The following CARMIL1 variants were observed in gnomAD, a reference collection of about 807,000 sequenced individuals.
The protein encoded by CARMIL1 is F-actin-uncapping protein LRRC16A.
Under a neutral mutation model 177.1 loss-of-function variants are expected in CARMIL1, and 90 were observed. The ratio of observed to expected loss-of-function variants is 0.51; its 90% confidence interval spans 0.43 to 0.61. The LOEUF is 0.61. Among genes scored for constraint, CARMIL1 ranks in the 20% least tolerant of loss-of-function variants. The pLI is 0.00. For synonymous variants in CARMIL1, 577 were observed against 606.2 expected (o/e 0.95, Z 0.71); for missense variants, 1,380 against 1,667.0 (o/e 0.83, Z 3.00).
chr6:25,564,364 T>C (rs984923261), intron 29 of CARMIL1, among the ~76,000 whole-genome samples: 3 of 152,184 alleles, frequency 2.0e-5, no homozygotes, highest in Admixed American at 2.0e-4. Context: ...GTTTGTTTCA[T>C]TGTTTTGAGC....
At chr6:25,331,753 T>C (rs1785646930) in intron 2 of CARMIL1, among the ~76,000 whole-genome samples, 1 of 152,204 alleles carries the variant, frequency 6.6e-6, no homozygotes, top group Non-Finnish European at 1.5e-5. Context: ...TTACTTTAAT[T>C]TTTGATGCTT....
chr6:25,439,058 AG>A (rs998271587), intron 5 of CARMIL1, among the ~76,000 whole-genome samples: 1 of 151,934 alleles, frequency 6.6e-6, no homozygotes, highest in African/African-American at 2.4e-5. Context: ...AGTGTGGGTA[AG>A]GGCAGTGAGG....
intron 8 of CARMIL1, among the ~76,000 whole-genome samples, chr6:25,455,797 G>T (rs144022313): frequency 3.3e-4 from 50 of 152,274 alleles, no homozygotes; most frequent in African/African-American, 1.1e-3. Flanking sequence ...TTTTAGTCAT[G>T]GGAGAGGCAC....
intron 24 of CARMIL1, among the ~76,000 whole-genome samples, chr6:25,529,733 C>A (rs1356722338): frequency 3.7e-4 from 12 of 32,844 alleles, no homozygotes; most frequent in Non-Finnish European, 5.5e-4. Flanking sequence ...CCGGCCTGGG[C>A]GACAGAGCGA....
intron 2 of CARMIL1, among the ~76,000 whole-genome samples, chr6:25,313,880 A>G (rs1227196845): frequency 6.6e-6 from 1 of 151,466 alleles, no homozygotes; most frequent in Non-Finnish European, 1.5e-5. Flanking sequence ...ATGTAGAAAC[A>G]TGGAGTCAGT....
At chr6:25,601,637 A>G (rs939775560) in intron 33 of CARMIL1, among the ~76,000 whole-genome samples, 1 of 152,242 alleles carries the variant, frequency 6.6e-6, no homozygotes. Flanking sequence ...CACTCAAGGT[A>G]TTCTATTAGA....
chr6:25,398,033 A>G (rs1160300046), intron 2 of CARMIL1, among the ~76,000 whole-genome samples: 2 of 152,194 alleles, frequency 1.3e-5, no homozygotes, highest in Non-Finnish European at 2.9e-5. Flanking sequence ...GGATTTAAGA[A>G]TATTAGAGGG....
In CARMIL1 at chr6:25,606,196, C is replaced by G. The variant is rs1197887616; in HGVS notation, c.3770C>G (p.Pro1257Arg). ...SSSSTPTSPKPLLQSPKPSLA... is the reference protein window; with the variant it reads ...SSSSTPTSPKRLLQSPKPSLA... ...TCCAGCACACCTACGAGCCCGAAGC[C>G]CCTCCTGCAGTCCCCCAAACCCAGT... is the stretch of plus-strand genomic sequence containing the variant. Residue 1257 changes from proline (P) to arginine (R), a missense_variant, in exon 35 of 37, where the codon CCC becomes CGC. By Grantham distance (103) the Pro-to-Arg change is moderately radical. Transcript: ENST00000329474. 1 of 1,613,842 alleles carries G rather than the reference C, an allele frequency of 6.2e-7. No homozygotes were observed. The highest frequency in any genetic ancestry group is 1.3e-5 in the African/African-American group (1 of 74,906).
At chr6:25,366,151 C>G (rs1050920593) in intron 2 of CARMIL1, among the ~76,000 whole-genome samples, 1 of 150,508 alleles carries the variant, frequency 6.6e-6, no homozygotes, top group Non-Finnish European at 1.5e-5. Flanking sequence ...TACTACCATG[C>G]CTGGCTAATT....
At chr6:25,434,796 T>G (rs1183436879) in intron 4 of CARMIL1, among the ~76,000 whole-genome samples, 1 of 152,154 alleles carries the variant, frequency 6.6e-6, no homozygotes, top group African/African-American at 2.4e-5. Context: ...GTGATCCGCC[T>G]GCCTTGGCCT....
At chr6:25,421,493 A>T (rs896244984) in intron 3 of CARMIL1, among the ~76,000 whole-genome samples, 7 of 152,192 alleles carry the variant, frequency 4.6e-5, no homozygotes, top group African/African-American at 1.7e-4. Flanking sequence ...AGAACTAGAA[A>T]TACCATTTGA....
At chr6:25,323,262 G>A (rs772567675) in intron 2 of CARMIL1, among the ~76,000 whole-genome samples, 4 of 151,766 alleles carry the variant, frequency 2.6e-5, no homozygotes, top group Non-Finnish European at 5.9e-5. Context: ...AATATTCTCA[G>A]TGAGAAGGAG....
Position 25,581,397 on chromosome 6 carries a change from A to G in CARMIL1, c.2964A>G (p.Leu988=). 6.2e-7 allele frequency: 1 copy of G among 1,613,272 alleles called. No individual in the cohort carries two copies. Among genetic ancestry groups the G allele is most frequent in the Non-Finnish European group, 8.5e-7 (1 of 1,179,610 alleles). ...EGKKLEHFTK[L]RPKRNKKQQP... The stretch of plus-strand genomic sequence containing the variant: ...AGAAGCTGGAACACTTTACCAAGTT[A>G]AGGCCAAAAAGGAATAAGAAGCAGC... The change falls in exon 31 of 37, where the codon TTA becomes TTG. Residue 988 remains leucine, a synonymous_variant. Coordinates refer to ENST00000329474, the MANE Select transcript of CARMIL1 (RefSeq NM_017640.6).
chr6:25,574,421 A>G (rs374252415), intron 29 of CARMIL1, among the ~76,000 whole-genome samples: 18 of 152,270 alleles, frequency 1.2e-4, no homozygotes, highest in East Asian at 5.8e-4. Context: ...TCTCTTATTC[A>G]CTGCTAGACC....
At chr6:25,453,947 T>G (rs547553768) in intron 8 of CARMIL1, among the ~76,000 whole-genome samples, 2 of 152,288 alleles carry the variant, frequency 1.3e-5, no homozygotes, top group South Asian at 4.1e-4. Context: ...GCTAAACTTT[T>G]CAGCTAATCC....
intron 2 of CARMIL1, among the ~76,000 whole-genome samples, chr6:25,380,277 A>G (rs1187027692): frequency 6.6e-6 from 1 of 152,240 alleles, no homozygotes; most frequent in Non-Finnish European, 1.5e-5. Context: ...AGAAGTCACC[A>G]AACTTTTACT....
chr6:25,495,538 CGTGTGTGTGTGTGT>C (rs144132253), intron 16 of CARMIL1, among the ~76,000 whole-genome samples: 25 of 144,978 alleles, frequency 1.7e-4, no homozygotes, highest in African/African-American at 4.6e-4. Flanking sequence ...TTCGTTTGTT[CGTGTGTGTGTGTGT>C]GTGTGTGTGT....
In CARMIL1 at chr6:25,410,350, T is replaced by C. The variant is rs73730736; in HGVS notation, c.139-9764T>C. Among the ~76,000 whole-genome samples, 190 of 152,290 alleles carry C rather than the reference T, an allele frequency of 1.2e-3. 1 individual carries two copies. The highest frequency in any genetic ancestry group is 4.1e-3 in the African/African-American group (170 of 41,562). On this transcript the variant is annotated intron_variant, in intron 2 of 36. Transcript: ENST00000329474. Reference sequence around the variant, plus strand: ...TACAGTAAAAGAAAAGTGAAACTGATTTCTTGTTCCAACTCTTCCATTTAG... The same window carrying C: ...TACAGTAAAAGAAAAGTGAAACTGACTTCTTGTTCCAACTCTTCCATTTAG...
rs577099642 is a variant in CARMIL1, at chr6:25,447,431, C to A, written c.372-2467C>A. Among the ~76,000 whole-genome samples the A allele has an allele frequency of 3.9e-5, 6 of 152,328 alleles. No homozygotes were observed. The East Asian group carries it at 1.2e-3, about 29-fold the overall frequency. On this transcript the variant is annotated intron_variant, in intron 5 of 36. Transcript: ENST00000329474. ...ATCAGAAAATGTAAATAACTGGGAA[C>A]ATTTTCTTCCAGTCTCTGCAAGGTG...
Sources: gnomAD v4.1 joint callset for allele counts (sites outside exome capture counted in the v4.1 genomes callset) on GRCh38, gnomAD v4.1.1 for gene constraint, MANE v1.5 for transcripts, NCBI Gene and HGNC (gene_info 2026-07-23, HGNC 2026-07-21) for gene names.